Variants in TUBGCP3 observed in about 807,000 individuals in gnomAD.
TUBGCP3 encodes the protein gamma-tubulin complex component 3.
In TUBGCP3, 50 loss-of-function variants were observed where a neutral mutation model predicts 123.1. The ratio of observed to expected loss-of-function variants is 0.41; its 90% CI spans 0.32 to 0.51. TUBGCP3 has a LOEUF of 0.51. Among genes scored for constraint, TUBGCP3 ranks in the 20% least tolerant of loss-of-function variants. The pLI is 0.36. For missense variants in TUBGCP3, 882 were observed against 1,127.0 expected, an observed-to-expected ratio of 0.78 and a Z score of 3.11; for synonymous variants, 405 against 413.9, an observed-to-expected ratio of 0.98 and a Z score of 0.26.
intron 16 of TUBGCP3, among the ~76,000 whole-genome samples, chr13:112,517,823 G>A (rs1876280172): frequency 6.6e-6 from 1 of 152,082 alleles, no homozygotes; most frequent in East Asian, 1.9e-4. Flanking sequence ...TCTCAGAGGT[G>A]AAGGTTGCAG....
chr13:112,495,873 T>A (rs1214358276), intron 20 of TUBGCP3, among the ~76,000 whole-genome samples: 1 of 152,210 alleles, frequency 6.6e-6, no homozygotes, highest in African/African-American at 2.4e-5. Flanking sequence ...CGGGAGCACT[T>A]ATTTCAAGGA....
At chr13:112,568,490 A>G (rs1353544222) in intron 2 of TUBGCP3, among the ~76,000 whole-genome samples, 45 of 110,012 alleles carry the variant, frequency 4.1e-4, no homozygotes, top group Middle Eastern at 6.8e-3. Context: ...TGGACTTCTA[A>G]AAGGTGTTAT....
chr13:112,488,131 C>CAAAAAA (rs35453839), intron 21 of TUBGCP3, among the ~76,000 whole-genome samples: 1 of 53,442 alleles, frequency 1.9e-5, no homozygotes, highest in Non-Finnish European at 4.2e-5. Flanking sequence ...GACTTGGTCT[C>CAAAAAA]AAAAAAAAAA....
In TUBGCP3 at chr13:112,524,630, C is replaced by A. The variant is rs532483046; in HGVS notation, c.1556-2121G>T. Reference sequence around the variant, plus strand: ...ACAATCTGGGGTCTATGTACCCCCCCACAAAAAAATACATGTAAAATTATG... The same window carrying A: ...ACAATCTGGGGTCTATGTACCCCCCAACAAAAAAATACATGTAAAATTATG... On this transcript the variant is annotated intron_variant, in intron 13 of 21. Coordinates refer to ENST00000261965, the MANE Select transcript of TUBGCP3 (RefSeq NM_006322.6). This position sits in a 1 kb window ranked among gnomAD's most constrained non-coding sequence, Gnocchi z 4.4. Among the ~76,000 whole-genome samples the A allele has an allele frequency of 1.3e-5, 2 of 152,218 alleles. No homozygotes were observed. Among genetic ancestry groups the A allele is most frequent in the East Asian group, 1.9e-4 (1 of 5,180 alleles).
the TUBGCP3 span, among the ~76,000 whole-genome samples, chr13:112,594,112 A>G: frequency 6.6e-6 from 1 of 152,250 alleles, no homozygotes; most frequent in Non-Finnish European, 1.5e-5. Context: ...TAAGAAACAA[A>G]TGATATCAAT....
chr13:112,543,023 G>A (rs892497106), intron 11 of TUBGCP3, among the ~76,000 whole-genome samples: 15 of 152,130 alleles, frequency 9.9e-5, no homozygotes, highest in African/African-American at 1.9e-4. Context: ...AGCAGCGTGC[G>A]CCTGTAGTTC....
intron 21 of TUBGCP3, among the ~76,000 whole-genome samples, chr13:112,487,077 G>GTGTGTC (rs981547127): frequency 6.7e-6 from 1 of 148,398 alleles, no homozygotes; most frequent in African/African-American, 2.5e-5. Flanking sequence ...GTGTGTGTGT[G>GTGTGTC]TGTGTCTGTG....
the TUBGCP3 span, among the ~76,000 whole-genome samples, chr13:112,598,101 T>C: frequency 5.9e-3 from 894 of 152,162 alleles, 7 homozygotes; most frequent in African/African-American, 0.02. Context: ...ACCTGATAGT[T>C]GATATTTCAG....
At chr13:112,579,445 T>A (rs1882115426) in intron 1 of TUBGCP3, among the ~76,000 whole-genome samples, 5 of 141,666 alleles carry the variant, frequency 3.5e-5, no homozygotes, top group Admixed American at 2.8e-4. Flanking sequence ...TCCCTGCAGC[T>A]CTCCCACACT....
At chr13:112,504,213 T>C in intron 18 of TUBGCP3, 50 bp from the exon 19 acceptor site, 2 of 1,611,650 alleles carry the variant, frequency 1.2e-6, no homozygotes, top group East Asian at 2.2e-5. Context: ...TCCTTCCTAG[T>C]GTAGCATCAC....
intron 16 of TUBGCP3, among the ~76,000 whole-genome samples, chr13:112,517,589 G>A (rs1876253829): frequency 6.6e-6 from 1 of 152,190 alleles, no homozygotes; most frequent in African/African-American, 2.4e-5. Context: ...TATGAAAGTT[G>A]CTAATTTAAA....
intron 1 of TUBGCP3, among the ~76,000 whole-genome samples, chr13:112,573,799 TCCCCCCACC>T (rs1241598179): frequency 2.6e-5 from 4 of 151,742 alleles, no homozygotes; most frequent in Admixed American, 2.6e-4. Flanking sequence ...TACCTCCAGA[TCCCCCCACC>T]CCCACCACTG....
chr13:112,578,355 C>G (rs981999166), intron 1 of TUBGCP3, among the ~76,000 whole-genome samples: 4 of 151,172 alleles, frequency 2.6e-5, no homozygotes, highest in African/African-American at 4.9e-5. Flanking sequence ...GTCAGGAGAT[C>G]GAGACCATCC....
chr13:112,604,383 G>A, the TUBGCP3 span: 244 of 152,290 alleles, frequency 1.6e-3, no homozygotes, highest in Admixed American at 3.5e-3. Context: ...CTGCAGCATT[G>A]ACCTCCCAGA....
intron 8 of TUBGCP3, among the ~76,000 whole-genome samples, chr13:112,550,901 A>C (rs186900632): frequency 1.3e-5 from 2 of 152,324 alleles, no homozygotes; most frequent in Admixed American, 1.3e-4. Context: ...GATTAAGACC[A>C]TCCTGGCTAA....
chr13:112,559,469 T>C, intron 3 of TUBGCP3, 70 bp from the exon 4 acceptor site: 1 of 1,232,074 alleles, frequency 8.1e-7, no homozygotes, highest in Admixed American at 2.5e-5. Context: ...TCCTCTTTCC[T>C]GAACTATATT....
chr13:112,516,369 G>A (rs2182268), intron 17 of TUBGCP3, 71 bp downstream of exon 17: 300,141 of 1,420,000 alleles, frequency 0.21, 34,152 homozygotes, highest in East Asian at 0.43. Context: ...GGAGTTGCTG[G>A]AAACCGCACC....
chr13:112,521,102 A>G (rs1384766151), intron 14 of TUBGCP3, among the ~76,000 whole-genome samples: 1 of 152,144 alleles, frequency 6.6e-6, no homozygotes, highest in African/African-American at 2.4e-5. Flanking sequence ...TTGGCTCCTC[A>G]TCTCCATCTG....
chr13:112,499,828 A>G (rs1027806904), intron 19 of TUBGCP3, among the ~76,000 whole-genome samples: 1 of 152,258 alleles, frequency 6.6e-6, no homozygotes, highest in Non-Finnish European at 1.5e-5. Flanking sequence ...TTCAGTAAAC[A>G]ACTACTGTAC....
Sources: gnomAD v4.1 joint callset for allele counts (sites outside exome capture counted in the v4.1 genomes callset) on GRCh38, gnomAD v4.1.1 for gene constraint, Gnocchi (gnomAD v3.1) non-coding constraint, MANE v1.5 for transcripts, NCBI Gene and HGNC (gene_info 2026-07-23, HGNC 2026-07-21) for gene names.